The following CCDC195 variants were observed in gnomAD, a reference collection of about 807,000 sequenced individuals.
The protein encoded by CCDC195 is coiled-coil domain containing 195.
chr2:224,707,903 C>T (rs1447652655), intron 2 of CCDC195, among the ~76,000 whole-genome samples: 1 of 151,716 alleles, frequency 6.6e-6, no homozygotes, highest in Non-Finnish European at 1.5e-5. Flanking sequence ...TCTCTCCTTC[C>T]TTCCTTCCTT....
intron 1 of CCDC195, among the ~76,000 whole-genome samples, chr2:224,714,715 C>A (rs778562846): frequency 4.6e-5 from 7 of 151,954 alleles, no homozygotes; most frequent in Non-Finnish European, 8.8e-5. Context: ...GAATGTCTAA[C>A]CTCCTATAGG....
At chr2:224,709,283 T>G (rs1689278299) in intron 2 of CCDC195, among the ~76,000 whole-genome samples, 2 of 151,860 alleles carry the variant, frequency 1.3e-5, no homozygotes, top group South Asian at 4.2e-4. Context: ...GAGACAGGGT[T>G]TTGCTATGTT....
chr2:224,704,870 C>T (rs917052987), intron 2 of CCDC195, among the ~76,000 whole-genome samples: 6 of 152,084 alleles, frequency 3.9e-5, no homozygotes, highest in African/African-American at 1.2e-4. Context: ...GATCTGCCTG[C>T]CTTGACCTCC....
exon 3 of CCDC195, chr2:224,703,849 T>A: frequency 2.5e-6 from 1 of 398,576 alleles, no homozygotes; most frequent in Non-Finnish European, 4.4e-6. Context: ...TGAAGACATG[T>A]CCATGGGTAA....
At chr2:224,712,870 C>A (rs1455931624) in intron 1 of CCDC195, among the ~76,000 whole-genome samples, 2 of 151,634 alleles carry the variant, frequency 1.3e-5, no homozygotes, top group Non-Finnish European at 2.9e-5. Flanking sequence ...TTCCTTCCTT[C>A]CTTCCCTCCT....
intron 1 of CCDC195, among the ~76,000 whole-genome samples, chr2:224,715,662 T>G (rs1689370174): frequency 6.6e-6 from 1 of 152,098 alleles, no homozygotes; most frequent in Admixed American, 6.5e-5. Context: ...ATTAAAGAGG[T>G]CTAATCACTG....
At chr2:224,710,025 T>C in exon 2 of CCDC195, 1 of 398,630 alleles carries the variant, frequency 2.5e-6, no homozygotes, top group Non-Finnish European at 4.4e-6. Flanking sequence ...CTATTGCTGG[T>C]GAGAGAATCT....
intron 2 of CCDC195, among the ~76,000 whole-genome samples, chr2:224,704,362 G>T (rs1010112782): frequency 3.3e-5 from 5 of 152,150 alleles, no homozygotes; most frequent in African/African-American, 1.2e-4. Flanking sequence ...CTATCTGAGG[G>T]ATTATATCTT....
At chr2:224,709,184 G>C (rs1469370852) in intron 2 of CCDC195, among the ~76,000 whole-genome samples, 2 of 144,010 alleles carry the variant, frequency 1.4e-5, no homozygotes, top group South Asian at 2.3e-4. Flanking sequence ...TGCCTCCCAG[G>C]TTCAAGTGAT....
chr2:224,708,011 T>TCTTTCTTC lies in CCDC195; in HGVS notation c.482+1961_482+1962insGAAGAAAG, dbSNP rs1553549000. 2.2e-3 allele frequency among the ~76,000 whole-genome samples: 184 copies of TCTTTCTTC among 84,816 alleles called. 1 individual carries two copies. The highest frequency in any genetic ancestry group is 6.7e-3 in the African/African-American group (127 of 18,822). The allele number at this position is 84,816 out of a possible 152,430, so 55.6% of individuals were successfully genotyped here. ...CCCTCCCTCCCTCCCTTCCTTCCTT[T>TCTTTCTTC]CTTCCTTCCTTCCTTCCTTCCTTCT... On this transcript the variant is annotated intron_variant, in intron 2 of 2. Transcript: ENST00000638102.
chr2:224,705,260 C>CT, intron 2 of CCDC195, among the ~76,000 whole-genome samples: 1 of 152,132 alleles, frequency 6.6e-6, no homozygotes. Flanking sequence ...CTGGTTTACC[C>CT]TATCAGTAAA....
intron 2 of CCDC195, among the ~76,000 whole-genome samples, chr2:224,704,675 T>G (rs1697218299): frequency 6.8e-6 from 1 of 146,044 alleles, no homozygotes; most frequent in African/African-American, 2.5e-5. Context: ...CAGGCTGGAA[T>G]GCAGTGGCAT....
At chr2:224,706,069 T>C (rs1232905123) in intron 2 of CCDC195, among the ~76,000 whole-genome samples, 1 of 151,936 alleles carries the variant, frequency 6.6e-6, no homozygotes, top group Non-Finnish European at 1.5e-5. Context: ...ATACACTGTA[T>C]AATTTCAACA....
intron 2 of CCDC195, among the ~76,000 whole-genome samples, chr2:224,706,968 C>T (rs1276248089): frequency 2.7e-5 from 4 of 150,284 alleles, no homozygotes; most frequent in Non-Finnish European, 3.0e-5. Flanking sequence ...TTCTGTTTTC[C>T]TTCTTTGAAG....
intron 2 of CCDC195, among the ~76,000 whole-genome samples, chr2:224,705,382 G>A (rs1286976351): frequency 2.0e-5 from 3 of 152,098 alleles, no homozygotes; most frequent in Admixed American, 1.3e-4. Context: ...GAATTTCTCT[G>A]TCAAAATTAA....
chr2:224,706,551 G>A (rs1429547517), intron 2 of CCDC195, among the ~76,000 whole-genome samples: 2 of 118,386 alleles, frequency 1.7e-5, no homozygotes, highest in African/African-American at 3.3e-5. Context: ...TCGCTGTGTT[G>A]CCAGGCTGGA....
chr2:224,704,746 C>G (rs1697221201), intron 2 of CCDC195, among the ~76,000 whole-genome samples: 1 of 151,906 alleles, frequency 6.6e-6, no homozygotes, highest in Non-Finnish European at 1.5e-5. Context: ...CCTCAGCCTC[C>G]CCAGTAGCTG....
chr2:224,714,034 C>G (rs1163898747), intron 1 of CCDC195, among the ~76,000 whole-genome samples: 1 of 151,894 alleles, frequency 6.6e-6, no homozygotes, highest in Non-Finnish European at 1.5e-5. Flanking sequence ...AGATGGCGGT[C>G]TCACTATGAT....
chr2:224,709,909 G>A, intron 2 of CCDC195, 64 bp downstream of exon 2: 1 of 398,278 alleles, frequency 2.5e-6, no homozygotes, highest in Non-Finnish European at 4.4e-6. Flanking sequence ...TTTATCCAGG[G>A]GAAAGTCTCA....
Sources: gnomAD v4.1 joint callset for allele counts (sites outside exome capture counted in the v4.1 genomes callset) on GRCh38, gnomAD v4.1.1 for gene constraint, MANE v1.5 for transcripts, NCBI Gene and HGNC (gene_info 2026-07-23, HGNC 2026-07-21) for gene names.